The following SGCD variants were observed in gnomAD, a reference collection of about 807,000 sequenced individuals.
SGCD encodes delta-sarcoglycan.
Under a neutral mutation model 36.6 loss-of-function variants are expected in SGCD, and 18 were observed. The observed-to-expected ratio is 0.49, with a 90% CI of 0.34 to 0.73. SGCD has a LOEUF of 0.73. Among genes scored for constraint, SGCD ranks in the 30% least tolerant of loss-of-function variants. The pLI is 0.01. For missense variants in SGCD, 387 were observed against 346.7 expected, an observed-to-expected ratio of 1.12 and a Z score of -0.92; for synonymous variants, 133 against 130.6, an observed-to-expected ratio of 1.02 and a Z score of -0.12.
the SGCD span, among the ~76,000 whole-genome samples, chr5:155,770,932 T>C: frequency 1.3e-5 from 2 of 152,192 alleles, no homozygotes; most frequent in Non-Finnish European, 1.5e-5. Context: ...GTGATCTCTC[T>C]TAAGTATTCT....
At chr5:155,997,039 G>T (rs1343705107) in intron 1 of SGCD, among the ~76,000 whole-genome samples, 1 of 151,966 alleles carries the variant, frequency 6.6e-6, no homozygotes, top group African/African-American at 2.4e-5. Flanking sequence ...CCATGACTTT[G>T]GAAGGACTTA....
intron 7 of SGCD, among the ~76,000 whole-genome samples, chr5:156,747,953 T>G (rs1757007379): frequency 6.6e-6 from 1 of 152,186 alleles, no homozygotes; most frequent in South Asian, 2.1e-4. Flanking sequence ...TTCATAGTAC[T>G]TTCTACAAAA....
chr5:156,486,514 A>G (rs1488215764), intron 3 of SGCD, among the ~76,000 whole-genome samples: 2 of 151,924 alleles, frequency 1.3e-5, no homozygotes, highest in East Asian at 3.9e-4. Context: ...TCTGCCTATC[A>G]CCACCCCTGC....
chr5:156,585,535 T>C (rs966001671), intron 4 of SGCD, among the ~76,000 whole-genome samples: 1 of 152,152 alleles, frequency 6.6e-6, no homozygotes, highest in South Asian at 2.1e-4. Flanking sequence ...ACCAATGCAT[T>C]GTGATGACTG....
chr5:156,741,634 G>A (rs779154935), intron 7 of SGCD, among the ~76,000 whole-genome samples: 16 of 152,158 alleles, frequency 1.1e-4, no homozygotes, highest in Non-Finnish European at 1.9e-4. Flanking sequence ...AACACGAGCT[G>A]TGAAACCATC....
intron 6 of SGCD, among the ~76,000 whole-genome samples, chr5:156,638,335 C>T (rs1048218578): frequency 7.2e-5 from 11 of 151,876 alleles, no homozygotes; most frequent in Non-Finnish European, 1.2e-4. Flanking sequence ...TATTCTCTCC[C>T]TCTCCCTCTA....
chr5:155,968,919 G>A (rs61424805), intron 1 of SGCD, among the ~76,000 whole-genome samples: 6,539 of 152,150 alleles, frequency 0.043, 485 homozygotes, highest in African/African-American at 0.15. Flanking sequence ...TTTTAATTAA[G>A]TGGGATCATA....
At chr5:156,635,548 G>A (rs907636340) in intron 6 of SGCD, among the ~76,000 whole-genome samples, 5 of 152,012 alleles carry the variant, frequency 3.3e-5, no homozygotes. Flanking sequence ...TATACCCAAA[G>A]GATTATAAAA....
intron 4 of SGCD, among the ~76,000 whole-genome samples, chr5:156,530,873 T>C (rs1459455574): frequency 6.6e-6 from 1 of 152,136 alleles, no homozygotes; most frequent in Non-Finnish European, 1.5e-5. Flanking sequence ...CCACCGTGTC[T>C]GGCCGCCATG....
At chr5:156,610,898 G>A (rs542572558) in intron 6 of SGCD, among the ~76,000 whole-genome samples, 3 of 152,370 alleles carry the variant, frequency 2.0e-5, no homozygotes, top group Non-Finnish European at 1.5e-5. Context: ...GGAAAGCGCA[G>A]TATTAGGGTG....
intron 4 of SGCD, among the ~76,000 whole-genome samples, chr5:156,539,890 G>T (rs918835963): frequency 9.2e-5 from 14 of 152,104 alleles, no homozygotes; most frequent in Non-Finnish European, 1.9e-4. Context: ...AACCAGATAG[G>T]CATGGAACAA....
chr5:156,564,694 T>A (rs1474928076), intron 4 of SGCD, among the ~76,000 whole-genome samples: 1 of 152,118 alleles, frequency 6.6e-6, no homozygotes, highest in Non-Finnish European at 1.5e-5. Flanking sequence ...TGCTTTCTAT[T>A]TCTATGAATG....
intron 3 of SGCD, among the ~76,000 whole-genome samples, chr5:156,314,833 G>A (rs1034989750): frequency 6.6e-6 from 1 of 151,972 alleles, no homozygotes; most frequent in Non-Finnish European, 1.5e-5. Flanking sequence ...GGCATAAGGT[G>A]CATTCCATTC....
At chr5:156,534,530 G>A (rs1000021778) in intron 4 of SGCD, among the ~76,000 whole-genome samples, 6 of 152,126 alleles carry the variant, frequency 3.9e-5, no homozygotes, top group Non-Finnish European at 7.4e-5. Flanking sequence ...AGCCATGCAG[G>A]AAGGTCCTCC....
chr5:155,789,965 A>G, the SGCD span, among the ~76,000 whole-genome samples: 3 of 152,062 alleles, frequency 2.0e-5, no homozygotes, highest in Non-Finnish European at 4.4e-5. Context: ...TAGCTGGAGT[A>G]TAGATGACCT....
At chr5:155,819,839 C>T in the SGCD span, among the ~76,000 whole-genome samples, 1 of 152,114 alleles carries the variant, frequency 6.6e-6, no homozygotes, top group Non-Finnish European at 1.5e-5. Context: ...ACAAATGTGC[C>T]AGTAACACTC....
At chr5:155,899,969 CTG>C (rs1756351155) in intron 1 of SGCD, among the ~76,000 whole-genome samples, 2 of 152,160 alleles carry the variant, frequency 1.3e-5, no homozygotes, top group Admixed American at 1.3e-4. Context: ...AATGATGAAA[CTG>C]TGCTTTTTAA....
chr5:156,604,910 T>A (rs1561808781), intron 6 of SGCD, among the ~76,000 whole-genome samples: 1 of 151,048 alleles, frequency 6.6e-6, no homozygotes, highest in African/African-American at 2.4e-5. Flanking sequence ...TAACCACTAA[T>A]TTTAGTTGTT....
chr5:155,940,708 G>T (rs536430862), intron 1 of SGCD, among the ~76,000 whole-genome samples: 1 of 152,196 alleles, frequency 6.6e-6, no homozygotes, highest in South Asian at 2.1e-4. Context: ...AGCCAGGTGT[G>T]GTGGCACATG....
Sources: allele counts gnomAD v4.1 joint callset (sites outside exome capture counted in the v4.1 genomes callset), GRCh38; gene constraint gnomAD v4.1.1; transcripts MANE v1.5; gene names NCBI Gene and HGNC (gene_info 2026-07-23, HGNC 2026-07-21).